The following SNTG2 variants were observed in gnomAD, a reference collection of about 807,000 sequenced individuals.
SNTG2 encodes gamma-2-syntrophin.
Under a neutral mutation model 70.9 loss-of-function variants are expected in SNTG2, and 74 were observed. The observed-to-expected ratio is 1.04, with a 90% CI of 0.86 to 1.27. SNTG2 has a LOEUF of 1.27. Among genes scored for constraint, SNTG2 ranks in the 50% most tolerant of loss-of-function variants. SNTG2 has a pLI of 0.00. For synonymous variants in SNTG2, 278 were observed against 273.8 expected (o/e 1.02, Z -0.15); for missense variants, 717 against 690.7 (o/e 1.04, Z -0.43).
chr2:962,391 A>G (rs1660380931), intron 1 of SNTG2, among the ~76,000 whole-genome samples: 1 of 152,198 alleles, frequency 6.6e-6, no homozygotes, highest in Non-Finnish European at 1.5e-5. Flanking sequence ...GTTTCGTACC[A>G]TACAAGAAAG....
At chr2:1,286,931 G>A (rs910468466) in intron 14 of SNTG2, among the ~76,000 whole-genome samples, 9 of 152,218 alleles carry the variant, frequency 5.9e-5, no homozygotes, top group Admixed American at 4.6e-4. Context: ...CTTGCTCACT[G>A]AAGGAGGCAG....
intron 9 of SNTG2, among the ~76,000 whole-genome samples, chr2:1,216,329 G>A (rs1674391223): frequency 6.6e-6 from 1 of 152,176 alleles, no homozygotes; most frequent in Admixed American, 6.5e-5. Context: ...TTTTTCATGT[G>A]ATTTTTGGCT....
At position 1,164,467 on chromosome 2, in the gene SNTG2, G is replaced by A. The variant is rs1330832125; in HGVS notation, c.412-1081G>A. On this transcript the variant is annotated intron_variant, in intron 6 of 16. Transcript: ENST00000308624. Reference sequence around the variant, plus strand: ...AACTGTGGGCAGTCTCTGTGTAGACGAGAGGGCGGGGTGGGATATGCCTGG... The same window carrying A: ...AACTGTGGGCAGTCTCTGTGTAGACAAGAGGGCGGGGTGGGATATGCCTGG... Among the ~76,000 whole-genome samples the A allele has an allele frequency of 7.1e-5, 8 of 112,688 alleles. 1 individual carries two copies. The highest frequency in any genetic ancestry group is 2.9e-4 in the African/African-American group (8 of 27,166). 73.9% of individuals were successfully genotyped at this position (112,688 alleles called of 152,430 possible). A position where few individuals can be genotyped will look rare whatever the true frequency, so the allele number is the denominator to read the frequency against.
chr2:1,212,312 G>A (rs917304472), intron 9 of SNTG2, among the ~76,000 whole-genome samples: 14 of 152,046 alleles, frequency 9.2e-5, no homozygotes, highest in Admixed American at 1.3e-4. Flanking sequence ...AAGGTGTCTC[G>A]CTCACCTTCT....
chr2:1,220,442 G>A (rs536182380), intron 9 of SNTG2, among the ~76,000 whole-genome samples: 43 of 152,254 alleles, frequency 2.8e-4, no homozygotes, highest in Admixed American at 2.2e-3. Flanking sequence ...GTGGTTGGAC[G>A]GCATGTCGTG....
chr2:996,673 G>T (rs1293603023), intron 1 of SNTG2, among the ~76,000 whole-genome samples: 9 of 35,096 alleles, frequency 2.6e-4, no homozygotes, highest in South Asian at 3.3e-3. Flanking sequence ...GAGTTACCCA[G>T]TTTTTTTTTT....
chr2:1,010,883 T>TA (rs1170276427), intron 1 of SNTG2, among the ~76,000 whole-genome samples: 1 of 152,200 alleles, frequency 6.6e-6, no homozygotes, highest in East Asian at 1.9e-4. Flanking sequence ...GGGAAGCACT[T>TA]ACTGTGTAGG....
rs774346555 is a variant in SNTG2, at chr2:1,068,571, TAGAC to T, written c.73-14944_73-14941del. ...AATCAGAAATACATTAAAATGCAAT[TAGAC>T]AGGTGTTCTCATTTTTATAGCCATT... On this transcript the variant is annotated intron_variant, in intron 1 of 16. Coordinates refer to ENST00000308624, the MANE Select transcript of SNTG2 (RefSeq NM_018968.4). 7.9e-5 allele frequency among the ~76,000 whole-genome samples: 12 copies of T among 152,196 alleles called. No homozygotes were observed. The South Asian group carries it at 1.5e-3, about 18-fold the overall frequency.
chr2:1,109,033 T>C (rs907647865), intron 4 of SNTG2, among the ~76,000 whole-genome samples: 4 of 147,510 alleles, frequency 2.7e-5, no homozygotes, highest in Middle Eastern at 3.5e-3. Flanking sequence ...TTGGTAATAG[T>C]GGACACGTGC....
intron 14 of SNTG2, 131 bp downstream of exon 14, chr2:1,267,702 A>G (rs2148184515): frequency 1.2e-6 from 1 of 861,198 alleles, no homozygotes; most frequent in East Asian, 2.7e-5. Context: ...CACCGGAGCT[A>G]CTGTGTGGAA....
Position 950,863 on chromosome 2 carries a change from G to A in SNTG2, c.-134G>A, listed in dbSNP as rs1165758183. The stretch of plus-strand genomic sequence containing the variant: ...TCCGGTTCCCCAGCCCTGCGCCCCG[G>A]TGGAGCCCGAGCCGGAGCCGGCAGA... On this transcript the variant is annotated 5_prime_UTR_variant, in exon 1 of 17. It adds an upstream start codon to the 5' untranslated region. Transcript: ENST00000308624. The A allele has an allele frequency of 3.5e-6, 1 of 285,598 alleles. No individual in the cohort carries two copies. The highest frequency in any genetic ancestry group is 6.0e-6 in the Non-Finnish European group (1 of 165,374). 17.7% of individuals were successfully genotyped at this position (285,598 alleles called of 1,614,324 possible).
At chr2:1,173,270 T>C (rs1671251491) in intron 8 of SNTG2, 87 bp downstream of exon 8, 1 of 1,181,582 alleles carries the variant, frequency 8.5e-7, no homozygotes, top group Non-Finnish European at 1.2e-6. Flanking sequence ...AAAAAGATGC[T>C]GTACTGCCCA....
chr2:1,092,591 T>C (rs529790490), intron 2 of SNTG2, among the ~76,000 whole-genome samples: 1 of 152,342 alleles, frequency 6.6e-6, no homozygotes, highest in South Asian at 2.1e-4. Flanking sequence ...TTAAATTTAG[T>C]GTTAAGTCCA....
intron 1 of SNTG2, among the ~76,000 whole-genome samples, chr2:1,017,615 T>C (rs1659946261): frequency 1.3e-5 from 2 of 152,192 alleles, no homozygotes; most frequent in South Asian, 4.1e-4. Flanking sequence ...TAGGTTAAAA[T>C]TGTATAAAGC....
chr2:1,311,427 A>G (rs1680983585), intron 15 of SNTG2, among the ~76,000 whole-genome samples: 4 of 152,214 alleles, frequency 2.6e-5, no homozygotes, highest in African/African-American at 9.7e-5. Context: ...AGAATTTGCA[A>G]TATTTGAATT....
At chr2:1,027,633 C>T (rs1232101093) in intron 1 of SNTG2, among the ~76,000 whole-genome samples, 2 of 146,960 alleles carry the variant, frequency 1.4e-5, no homozygotes, top group African/African-American at 5.1e-5. Flanking sequence ...ACTCATGCAT[C>T]TCTGTTGAGT....
chr2:1,197,194 G>A (rs1672962317), intron 8 of SNTG2, among the ~76,000 whole-genome samples: 1 of 151,996 alleles, frequency 6.6e-6, no homozygotes, highest in East Asian at 1.9e-4. Flanking sequence ...CAACAACAAT[G>A]AAATGACCCA....
intron 1 of SNTG2, among the ~76,000 whole-genome samples, chr2:1,055,305 T>C (rs1662321837): frequency 6.6e-6 from 1 of 152,248 alleles, no homozygotes; most frequent in African/African-American, 2.4e-5. Context: ...CGGGGCTTCT[T>C]TCTGTAAGTT....
intron 1 of SNTG2, among the ~76,000 whole-genome samples, chr2:1,032,993 G>A (rs1429783606): frequency 6.6e-6 from 1 of 152,288 alleles, no homozygotes; most frequent in Middle Eastern, 3.4e-3. Flanking sequence ...TCACATGGTG[G>A]GAATGGAAGT....
Sources: gnomAD v4.1 joint callset for allele counts (sites outside exome capture counted in the v4.1 genomes callset) on GRCh38, gnomAD v4.1.1 for gene constraint, MANE v1.5 for transcripts, NCBI Gene and HGNC (gene_info 2026-07-23, HGNC 2026-07-21) for gene names.